The following KIF6 variants were observed in gnomAD, a reference collection of about 807,000 sequenced individuals.
KIF6 encodes kinesin family member 6.
KIF6 carries 106 observed loss-of-function variants against 112.7 expected under a neutral mutation model. The observed-to-expected ratio is 0.94, with a 90% CI of 0.80 to 1.11. The LOEUF (loss-of-function observed/expected upper bound fraction) is 1.11, where lower values mean the gene tolerates loss of function less well. KIF6 is among the 50% of genes least tolerant of loss of function. The probability of loss-of-function intolerance (pLI) is 0.00; values close to 1 mark genes in which losing one functional copy is unlikely to be tolerated. For missense variants in KIF6, 929 were observed against 964.0 expected (o/e 0.96, Z 0.48); for synonymous variants, 339 against 339.9 (o/e 1.00, Z 0.03).
chr6:39,413,886 A>G (rs146860064), intron 15 of KIF6, among the ~76,000 whole-genome samples: 8 of 152,246 alleles, frequency 5.3e-5, no homozygotes, highest in African/African-American at 1.9e-4. Flanking sequence ...AATTTTAAAA[A>G]TCAGACAATA....
chr6:39,380,522 C>A (rs1366962019), intron 16 of KIF6, among the ~76,000 whole-genome samples: 1 of 152,176 alleles, frequency 6.6e-6, no homozygotes, highest in East Asian at 1.9e-4. Flanking sequence ...TATAAAAGCA[C>A]ATGCACAGTC....
chr6:39,413,687 A>G (rs532208935), intron 15 of KIF6, among the ~76,000 whole-genome samples: 5 of 152,210 alleles, frequency 3.3e-5, no homozygotes, highest in South Asian at 4.2e-4. Context: ...CTGTCAGACA[A>G]TGTAGTCAAG....
At chr6:39,629,442 C>T (rs1004146036) in intron 5 of KIF6, among the ~76,000 whole-genome samples, 24 of 152,004 alleles carry the variant, frequency 1.6e-4, no homozygotes, top group African/African-American at 4.3e-4. Context: ...TCTTTTCATA[C>T]GCTATTTGCC....
intron 14 of KIF6, among the ~76,000 whole-genome samples, chr6:39,426,422 G>C (rs78094518): frequency 0.013 from 1,994 of 152,206 alleles, 42 homozygotes; most frequent in African/African-American, 0.042. Context: ...AGCAGCAAAG[G>C]GTGCAGGAAA....
chr6:39,697,137 T>C (rs1343963099), intron 3 of KIF6, among the ~76,000 whole-genome samples: 1 of 152,196 alleles, frequency 6.6e-6, no homozygotes, highest in Admixed American at 6.5e-5. Context: ...TTATCTCTCT[T>C]CTCTGGCATC....
intron 13 of KIF6, among the ~76,000 whole-genome samples, chr6:39,491,133 G>T (rs1382639646): frequency 1.3e-5 from 2 of 152,180 alleles, no homozygotes; most frequent in African/African-American, 4.8e-5. Context: ...GAATGTGGCA[G>T]AAGTCACTCT....
chr6:39,439,688 T>C (rs1044648643), intron 13 of KIF6, among the ~76,000 whole-genome samples: 2 of 152,196 alleles, frequency 1.3e-5, no homozygotes, highest in Non-Finnish European at 2.9e-5. Flanking sequence ...CCTTACCCAC[T>C]TCTTAATGCT....
intron 4 of KIF6, among the ~76,000 whole-genome samples, chr6:39,636,437 T>C (rs966554579): frequency 1.3e-5 from 2 of 152,024 alleles, no homozygotes; most frequent in Admixed American, 1.3e-4. Flanking sequence ...TGTGGATGAC[T>C]CTAATGCTTA....
intron 13 of KIF6, among the ~76,000 whole-genome samples, chr6:39,513,274 CT>C (rs1776884696): frequency 6.6e-6 from 1 of 152,170 alleles, no homozygotes; most frequent in Admixed American, 6.5e-5. Flanking sequence ...CAGCTTCCTC[CT>C]TTTCCTCCTC....
intron 13 of KIF6, among the ~76,000 whole-genome samples, chr6:39,517,209 C>G (rs1287021580): frequency 6.6e-6 from 1 of 152,132 alleles, no homozygotes; most frequent in East Asian, 1.9e-4. Context: ...CTCCTTTACC[C>G]AAATGACACT....
At chr6:39,380,356 G>A (rs983124670) in intron 16 of KIF6, among the ~76,000 whole-genome samples, 2 of 152,172 alleles carry the variant, frequency 1.3e-5, no homozygotes, top group Admixed American at 6.5e-5. Context: ...TGCTTCTTCA[G>A]CCTCCTTTTT....
chr6:39,545,425 A>G (rs746276641), intron 11 of KIF6, among the ~76,000 whole-genome samples, 158 bp downstream of exon 11: 51 of 152,224 alleles, frequency 3.4e-4, no homozygotes, highest in Admixed American at 3.3e-3. Flanking sequence ...TCTCTGAAGA[A>G]ACTCAGTGAT....
intron 22 of KIF6, among the ~76,000 whole-genome samples, chr6:39,341,802 T>G (rs1204646130): frequency 1.3e-5 from 2 of 152,162 alleles, no homozygotes; most frequent in Non-Finnish European, 2.9e-5. Context: ...CTGACTCTCC[T>G]CTTTCTCTTG....
chr6:39,579,933 A>G (rs1781195015), intron 9 of KIF6, among the ~76,000 whole-genome samples: 1 of 151,884 alleles, frequency 6.6e-6, no homozygotes, highest in Admixed American at 6.6e-5. Context: ...TGGCATCTAG[A>G]TAAGATAAGC....
At chr6:39,706,254 T>G (rs1050851970) in intron 3 of KIF6, among the ~76,000 whole-genome samples, 2 of 152,234 alleles carry the variant, frequency 1.3e-5, no homozygotes, top group African/African-American at 4.8e-5. Context: ...TGCAATTTCT[T>G]GATCAATTAT....
intron 5 of KIF6, among the ~76,000 whole-genome samples, chr6:39,617,972 T>C (rs375577270): frequency 2.0e-5 from 3 of 152,244 alleles, no homozygotes; most frequent in South Asian, 4.1e-4. Context: ...AAGCTCTTTA[T>C]GGTGAAGGTT....
chr6:39,468,229 G>A (rs1215566525), intron 13 of KIF6, among the ~76,000 whole-genome samples: 1 of 152,012 alleles, frequency 6.6e-6, no homozygotes. Context: ...GAAATGTGGG[G>A]CACCACTGAG....
chr6:39,429,208 C>T (rs1257873117), intron 14 of KIF6, among the ~76,000 whole-genome samples: 4 of 152,180 alleles, frequency 2.6e-5, no homozygotes, highest in South Asian at 2.1e-4. Context: ...TTTGCTTTTC[C>T]GTTTGCCTTT....
chr6:39,464,310 C>T (rs746971078), intron 13 of KIF6, among the ~76,000 whole-genome samples: 4 of 152,094 alleles, frequency 2.6e-5, no homozygotes, highest in African/African-American at 7.2e-5. Context: ...TCAGCCTAAA[C>T]GAAAACATAT....
Sources: gnomAD v4.1 joint callset for allele counts (sites outside exome capture counted in the v4.1 genomes callset) on GRCh38, gnomAD v4.1.1 for gene constraint, MANE v1.5 for transcripts, NCBI Gene and HGNC (gene_info 2026-07-23, HGNC 2026-07-21) for gene names.